The following KIF26B variants were observed in gnomAD, a reference collection of about 807,000 sequenced individuals.
KIF26B encodes the protein kinesin-like protein KIF26B.
In KIF26B, 63 loss-of-function variants were observed where a neutral mutation model predicts 151.2. That is an observed-to-expected ratio of 0.42 (90% CI 0.34 to 0.51). The LOEUF is 0.51. KIF26B is among the 20% of genes least tolerant of loss of function. The probability of loss-of-function intolerance (pLI) is 0.07; values close to 1 mark genes in which losing one functional copy is unlikely to be tolerated. For missense variants in KIF26B, 2,813 were observed against 2,913.6 expected (o/e 0.97, Z 0.79); for synonymous variants, 1,357 against 1,262.1 (o/e 1.08, Z -1.59).
intron 2 of KIF26B, among the ~76,000 whole-genome samples, chr1:245,191,657 G>C (rs1669113608): frequency 6.6e-6 from 1 of 152,128 alleles, no homozygotes; most frequent in Non-Finnish European, 1.5e-5. Context: ...CAAAATCAAA[G>C]GGCAGGCGAC....
chr1:245,625,309 T>A (rs557454301), intron 9 of KIF26B, among the ~76,000 whole-genome samples: 1 of 152,276 alleles, frequency 6.6e-6, no homozygotes, highest in South Asian at 2.1e-4. Flanking sequence ...AAAAAATTTC[T>A]ATCAAAGAAG....
chr1:245,156,065 C>T (rs1007423203), intron 1 of KIF26B, among the ~76,000 whole-genome samples: 4 of 152,176 alleles, frequency 2.6e-5, no homozygotes, highest in Admixed American at 6.5e-5. Context: ...AGGAGGCCAC[C>T]GGGGACCAGC....
At chr1:245,590,656 C>T (rs1373699646) in intron 5 of KIF26B, among the ~76,000 whole-genome samples, 1 of 152,134 alleles carries the variant, frequency 6.6e-6, no homozygotes, top group Non-Finnish European at 1.5e-5. Flanking sequence ...GCCTGTATTC[C>T]CAGCACGTTG....
chr1:245,243,475 T>C (rs12736641), intron 2 of KIF26B, among the ~76,000 whole-genome samples: 9 of 125,320 alleles, frequency 7.2e-5, no homozygotes, highest in African/African-American at 2.3e-4. Flanking sequence ...CACACACATA[T>C]ATATATACAC....
At chr1:245,613,737 C>T (rs2043553615) in intron 9 of KIF26B, among the ~76,000 whole-genome samples, 1 of 152,250 alleles carries the variant, frequency 6.6e-6, no homozygotes, top group South Asian at 2.1e-4. Flanking sequence ...CTGCTGTCCC[C>T]AGGCAAAAGC....
intron 9 of KIF26B, among the ~76,000 whole-genome samples, chr1:245,619,894 CAG>C (rs1257517207): frequency 6.6e-6 from 1 of 152,000 alleles, no homozygotes; most frequent in Non-Finnish European, 1.5e-5. Flanking sequence ...GCCTGGGTGA[CAG>C]GGCAAGACTC....
At chr1:245,526,536 A>C (rs1661239234) in intron 4 of KIF26B, among the ~76,000 whole-genome samples, 1 of 152,218 alleles carries the variant, frequency 6.6e-6, no homozygotes, top group African/African-American at 2.4e-5. Context: ...TTGTTAAATA[A>C]AAATATTAGA....
Position 245,581,089 on chromosome 1 carries a change from G to A in KIF26B, c.1351-21488G>A, listed in dbSNP as rs369413444. 8.4e-4 allele frequency among the ~76,000 whole-genome samples: 128 copies of A among 152,372 alleles called. 1 individual carries two copies. In the South Asian group the frequency reaches 0.025, roughly 30 times the overall value. The stretch of plus-strand genomic sequence containing the variant: ...TGTGGGACACAATGGCACAGGAAGA[G>A]CGTTGGCCACTCATCAGCCAGGTCA... On this transcript the variant is annotated intron_variant, in intron 5 of 14. Coordinates refer to ENST00000407071, the MANE Select transcript of KIF26B (RefSeq NM_018012.4).
chr1:245,430,680 T>A (rs920242878), intron 4 of KIF26B, among the ~76,000 whole-genome samples: 1 of 149,034 alleles, frequency 6.7e-6, no homozygotes, highest in South Asian at 2.1e-4. Flanking sequence ...GAAAAAAAAA[T>A]AATCATAATA....
At chr1:245,491,512 T>C (rs1660408854) in intron 4 of KIF26B, among the ~76,000 whole-genome samples, 1 of 152,200 alleles carries the variant, frequency 6.6e-6, no homozygotes, top group African/African-American at 2.4e-5. Flanking sequence ...AAAGTAAACC[T>C]TGGGGAATGT....
intron 2 of KIF26B, among the ~76,000 whole-genome samples, chr1:245,240,712 A>G (rs914979884): frequency 6.6e-6 from 1 of 152,208 alleles, no homozygotes; most frequent in Non-Finnish European, 1.5e-5. Context: ...AGATATAGCC[A>G]TATCAGAAAA....
intron 2 of KIF26B, among the ~76,000 whole-genome samples, chr1:245,320,199 A>G (rs1671861822): frequency 6.6e-6 from 1 of 152,238 alleles, no homozygotes; most frequent in South Asian, 2.1e-4. Flanking sequence ...TGCCGTGCAC[A>G]CCACACACCC....
intron 2 of KIF26B, among the ~76,000 whole-genome samples, chr1:245,274,816 TTA>T (rs138009965): frequency 0.036 from 5,518 of 151,718 alleles, 138 homozygotes; most frequent in African/African-American, 0.059. Context: ...GTAGAATGAT[TTA>T]TGATCCTTTG....
At chr1:245,200,845 T>C (rs1008621507) in intron 2 of KIF26B, among the ~76,000 whole-genome samples, 32 of 152,322 alleles carry the variant, frequency 2.1e-4, no homozygotes, top group African/African-American at 6.0e-4. Context: ...AATCACAATG[T>C]ATGAGTAAAG....
At chr1:245,330,090 C>T (rs1162235548) in intron 2 of KIF26B, among the ~76,000 whole-genome samples, 2 of 151,820 alleles carry the variant, frequency 1.3e-5, no homozygotes, top group Non-Finnish European at 2.9e-5. Context: ...GTGCCTGGCC[C>T]CCAAAAAGGA....
At chr1:245,547,689 C>T (rs1472784700) in intron 5 of KIF26B, among the ~76,000 whole-genome samples, 1 of 150,904 alleles carries the variant, frequency 6.6e-6, no homozygotes, top group Non-Finnish European at 1.5e-5. Flanking sequence ...TTTCTGTTGT[C>T]TTCATTATCA....
At chr1:245,679,196 T>C (rs1395773556) in intron 10 of KIF26B, among the ~76,000 whole-genome samples, 1 of 152,182 alleles carries the variant, frequency 6.6e-6, no homozygotes, top group Non-Finnish European at 1.5e-5. Flanking sequence ...ACAGACACTA[T>C]GTAAACAAAT....
At chr1:245,216,441 TG>T (rs1411971313) in intron 2 of KIF26B, 1 of 124,050 alleles carries the variant, frequency 8.1e-6, no homozygotes, top group Non-Finnish European at 1.6e-5. Flanking sequence ...GCAATTCAGA[TG>T]GCAGAATATT....
chr1:245,424,216 C>T (rs755381913), intron 4 of KIF26B, among the ~76,000 whole-genome samples: 25 of 151,950 alleles, frequency 1.6e-4, no homozygotes, highest in Non-Finnish European at 3.1e-4. Flanking sequence ...AGTGCAGTGG[C>T]GCGATCTCCG....
Sources: allele counts gnomAD v4.1 joint callset (sites outside exome capture counted in the v4.1 genomes callset), GRCh38; gene constraint gnomAD v4.1.1; transcripts MANE v1.5; gene names NCBI Gene and HGNC (gene_info 2026-07-23, HGNC 2026-07-21).